Variants in ADAM18 observed in about 807,000 individuals in gnomAD.
The protein encoded by ADAM18 is ADAM metallopeptidase domain 18.
ADAM18 carries 117 observed loss-of-function variants against 94.4 expected under a neutral mutation model. The ratio of observed to expected loss-of-function variants is 1.24; its 90% CI spans 1.07 to 1.45. ADAM18 has a LOEUF of 1.45. Among genes scored for constraint, ADAM18 ranks in the 40% most tolerant of loss-of-function variants. ADAM18 has a pLI of 0.00. For missense variants in ADAM18, 936 were observed against 880.0 expected (o/e 1.06, Z -0.81); for synonymous variants, 327 against 291.6 (o/e 1.12, Z -1.24).
At chr8:39,725,473 C>T (rs1822876827) in intron 19 of ADAM18, among the ~76,000 whole-genome samples, 1 of 152,096 alleles carries the variant, frequency 6.6e-6, no homozygotes, top group Admixed American at 6.6e-5. Context: ...TCTTTGTACC[C>T]TTTAACCACC....
chr8:39,707,683 A>C (rs1822277872), intron 18 of ADAM18, among the ~76,000 whole-genome samples: 1 of 152,146 alleles, frequency 6.6e-6, no homozygotes. Context: ...ATATTTTGTC[A>C]AATGTTGACA....
At chr8:39,718,620 T>C (rs1240649359) in intron 18 of ADAM18, among the ~76,000 whole-genome samples, 2 of 151,480 alleles carry the variant, frequency 1.3e-5, no homozygotes, top group African/African-American at 2.4e-5. Flanking sequence ...GAGTAAGATC[T>C]AGAGATCTGC....
chr8:39,700,480 T>A (rs1563312125), intron 17 of ADAM18, among the ~76,000 whole-genome samples: 3 of 152,270 alleles, frequency 2.0e-5, no homozygotes. Context: ...CATAGAACTT[T>A]TAGGTAAATG....
At chr8:39,691,933 A>G (rs1821794000) in intron 16 of ADAM18, among the ~76,000 whole-genome samples, 1 of 151,916 alleles carries the variant, frequency 6.6e-6, no homozygotes, top group African/African-American at 2.4e-5. Context: ...GCTAATTTTT[A>G]TTCATGTTTA....
At chr8:39,660,747 C>T (rs1040088795) in intron 12 of ADAM18, among the ~76,000 whole-genome samples, 2 of 152,114 alleles carry the variant, frequency 1.3e-5, no homozygotes, top group African/African-American at 4.8e-5. Context: ...TATGAACATT[C>T]CAGTCCTGTA....
Position 39,698,111 on chromosome 8 carries a change from T to C in ADAM18, c.1902+5431T>C, listed in dbSNP as rs539156371. ...TGTTCCAAATACATGTTAGATTTTA[T>C]TCTGAATCTCTCAAGCTTTCATTCT... On this transcript the variant is annotated intron_variant, in intron 17 of 19. Coordinates refer to ENST00000265707, the MANE Select transcript of ADAM18 (RefSeq NM_014237.3). 3.8e-4 allele frequency among the ~76,000 whole-genome samples: 58 copies of C among 152,034 alleles called. 1 individual carries two copies. The Middle Eastern group carries it at 0.01, about 27-fold the overall frequency.
In ADAM18 at chr8:39,585,304, A is replaced by G. The variant is rs891081810; in HGVS notation, c.84A>G (p.Thr28=). The change falls in exon 2 of 20, where the codon ACA becomes ACG. Residue 28 remains threonine, a synonymous_variant. Coordinates refer to ENST00000265707, the MANE Select transcript of ADAM18 (RefSeq NM_014237.3). ...EGSEGIFLHV[T]VPRKIKSNDS... ...CTGAAGGAATATTTCTGCATGTCAC[A>G]GTTCCACGGAAGATTAAGTCAAATG... The G allele has an allele frequency of 2.5e-6, 4 of 1,613,380 alleles. No homozygotes were observed. The African/African-American group carries it at 4.0e-5, about 16-fold the overall frequency.
At chr8:39,684,421 T>G (rs1821553067) in intron 16 of ADAM18, among the ~76,000 whole-genome samples, 2 of 152,242 alleles carry the variant, frequency 1.3e-5, no homozygotes, top group Admixed American at 6.5e-5. Flanking sequence ...CTCTAGGAAT[T>G]ACTTTTCTTG....
At chr8:39,610,746 T>C in intron 6 of ADAM18, 40 bp downstream of exon 6, 5 of 1,572,152 alleles carry the variant, frequency 3.2e-6, no homozygotes, top group Non-Finnish European at 4.3e-6. Context: ...TACTAGAACA[T>C]TGCCTGTGTA....
chr8:39,611,015 A>T, intron 6 of ADAM18: 1 of 1,112,554 alleles, frequency 9.0e-7, no homozygotes, highest in Non-Finnish European at 1.1e-6. Context: ...TGGTAAAATT[A>T]CTTTTAATAT....
chr8:39,720,429 C>T (rs1446172440), intron 18 of ADAM18, among the ~76,000 whole-genome samples: 3 of 151,196 alleles, frequency 2.0e-5, no homozygotes, highest in African/African-American at 4.8e-5. Flanking sequence ...AAATTATGCA[C>T]TTAAAGTGTG....
At chr8:39,709,773 G>A (rs1251041795) in intron 18 of ADAM18, among the ~76,000 whole-genome samples, 1 of 152,126 alleles carries the variant, frequency 6.6e-6, no homozygotes, top group African/African-American at 2.4e-5. Context: ...TTAATTTTAA[G>A]GTCCCAAAGT....
At chr8:39,640,784 G>T (rs1820215455) in intron 10 of ADAM18, among the ~76,000 whole-genome samples, 2 of 149,756 alleles carry the variant, frequency 1.3e-5, no homozygotes, top group Non-Finnish European at 3.0e-5. Context: ...GACCAGTGAT[G>T]TTGAGCTTTT....
At chr8:39,595,046 A>T (rs1340972735) in intron 2 of ADAM18, among the ~76,000 whole-genome samples, 4 of 151,956 alleles carry the variant, frequency 2.6e-5, no homozygotes, top group Non-Finnish European at 5.9e-5. Context: ...AATTTTTGTT[A>T]TAGTACCCTA....
chr8:39,592,455 G>T (rs912903825), intron 2 of ADAM18, among the ~76,000 whole-genome samples: 6 of 152,004 alleles, frequency 3.9e-5, no homozygotes, highest in African/African-American at 1.5e-4. Flanking sequence ...TCCACCAACA[G>T]TTCACTGGAT....
chr8:39,615,170 T>C (rs569791666), intron 6 of ADAM18, among the ~76,000 whole-genome samples: 1 of 151,838 alleles, frequency 6.6e-6, no homozygotes, highest in Non-Finnish European at 1.5e-5. Context: ...CATGTGCACA[T>C]GGCATGTACT....
At chr8:39,678,595 C>T (rs917859328) in intron 15 of ADAM18, among the ~76,000 whole-genome samples, 3 of 152,166 alleles carry the variant, frequency 2.0e-5, no homozygotes, top group Non-Finnish European at 2.9e-5. Flanking sequence ...GTCTGAGTTA[C>T]ACCACAGTGG....
At chr8:39,690,528 G>A (rs376302825) in intron 16 of ADAM18, among the ~76,000 whole-genome samples, 7 of 151,974 alleles carry the variant, frequency 4.6e-5, no homozygotes, top group Non-Finnish European at 1.0e-4. Context: ...TTTTTATACT[G>A]TGAAAAAATA....
At chr8:39,683,157 C>G (rs1196960968) in intron 16 of ADAM18, among the ~76,000 whole-genome samples, 1 of 152,176 alleles carries the variant, frequency 6.6e-6, no homozygotes, top group Non-Finnish European at 1.5e-5. Flanking sequence ...AAATAAGCTA[C>G]CATGTTGAAG....
Sources: allele counts gnomAD v4.1 joint callset (sites outside exome capture counted in the v4.1 genomes callset), GRCh38; gene constraint gnomAD v4.1.1; transcripts MANE v1.5; gene names NCBI Gene and HGNC (gene_info 2026-07-23, HGNC 2026-07-21).